The following RTL9 variants were observed in gnomAD, a reference collection of about 807,000 sequenced individuals.
The protein encoded by RTL9 is retrotransposon Gag like 9, also known as retrotransposon Gag-like protein 9.
In RTL9, 19 loss-of-function variants were observed where a neutral mutation model predicts 44.7. The ratio of observed to expected loss-of-function variants is 0.42; its 90% CI spans 0.30 to 0.62. RTL9 has a LOEUF of 0.62. RTL9 is among the 20% of genes least tolerant of loss of function. RTL9 has a pLI of 0.16. For missense variants in RTL9, 1,105 were observed against 1,080.6 expected (o/e 1.02, Z -0.32); for synonymous variants, 407 against 398.9 (o/e 1.02, Z -0.24).
chrX:110,378,008 CA>C (rs755483656), intron 1 of RTL9, among the ~76,000 whole-genome samples: 448 of 30,949 alleles, frequency 0.014, 1 homozygote, highest in South Asian at 0.043. Flanking sequence ...GACTCCGTCT[CA>C]AAAAAAAAAA....
chrX:110,454,672 G>C lies in RTL9; in HGVS notation c.4047+8G>C. 1 of 1,167,508 alleles carries C rather than the reference G, an allele frequency of 8.6e-7. No homozygotes were observed. Among genetic ancestry groups the C allele is most frequent in the Non-Finnish European group, 1.2e-6 (1 of 869,239 alleles). ...CAGCAGCAGACTGAGGAGGTAATGA[G>C]GGGGAAATCCGCTGAAGGTTTTTGA... is the stretch of plus-strand genomic sequence containing the variant. On this transcript the variant is annotated splice_region_variant and intron_variant, in intron 1 of 1. Coordinates refer to ENST00000540313, the Ensembl canonical transcript of RTL9.
At chrX:110,453,620 G>A in exon 1 of RTL9, 1 of 1,212,101 alleles carries the variant, frequency 8.3e-7, no homozygotes, top group Non-Finnish European at 1.1e-6. Flanking sequence ...CTAGATCTAT[G>A]TCCTTGTCAC....
chrX:110,362,919 A>G (rs1406346161), intron 1 of RTL9, among the ~76,000 whole-genome samples: 1 of 112,122 alleles, frequency 8.9e-6, no homozygotes, highest in Non-Finnish European at 1.9e-5. Context: ...GATATATACT[A>G]TCATAATTTT....
chrX:110,409,175 G>A (rs776118256), intron 1 of RTL9, among the ~76,000 whole-genome samples: 3 of 111,213 alleles, frequency 2.7e-5, no homozygotes, highest in African/African-American at 9.8e-5. Flanking sequence ...TATAAAACTG[G>A]CAGGAGATGG....
At chrX:110,361,942 C>G (rs2068266427) in intron 1 of RTL9, among the ~76,000 whole-genome samples, 1 of 111,665 alleles carries the variant, frequency 9.0e-6, no homozygotes, top group African/African-American at 3.3e-5. Context: ...ACTGTATTTA[C>G]CAAAACAGGG....
chrX:110,442,247 CTGTGTGTGTGTGTGTG>C (rs908737506), intron 1 of RTL9, among the ~76,000 whole-genome samples: 9 of 97,041 alleles, frequency 9.3e-5, no homozygotes, highest in Non-Finnish European at 1.6e-4. Context: ...CTCTCTCTCT[CTGTGTGTGTGTGTGTG>C]TGTGTGTGTG....
At chrX:110,452,500 T>A in exon 1 of RTL9, 1 of 1,211,037 alleles carries the variant, frequency 8.3e-7, no homozygotes, top group Non-Finnish European at 1.1e-6. Flanking sequence ...GGAACGATGT[T>A]CACGGAGAAA....
At chrX:110,420,785 A>T (rs2068711812) in intron 1 of RTL9, among the ~76,000 whole-genome samples, 1 of 111,574 alleles carries the variant, frequency 9.0e-6, no homozygotes, top group African/African-American at 3.3e-5. Context: ...ACAAGTGGGA[A>T]CTTTCATACT....
At chrX:110,415,405 G>C (rs1432168436), upstream of RTL9, among the ~76,000 whole-genome samples, 1 of 112,267 alleles carries the variant, frequency 8.9e-6, no homozygotes, top group Non-Finnish European at 1.9e-5. Context: ...TTGTGTTAGA[G>C]TGGTGAGTGA....
intron 1 of RTL9, 128 bp from the exon 2 acceptor site, chrX:110,445,025 G>C (rs888830104): frequency 3.6e-5 from 4 of 112,616 alleles, no homozygotes; most frequent in Non-Finnish European, 7.5e-5. Context: ...CTATAGAGTT[G>C]GACATGCATA....
At chrX:110,400,384 C>T (rs1377343622) in intron 1 of RTL9, among the ~76,000 whole-genome samples, 1 of 108,896 alleles carries the variant, frequency 9.2e-6, no homozygotes, top group African/African-American at 3.4e-5. Flanking sequence ...ATATGGCTTT[C>T]CGTATTGTTC....
At chrX:110,387,857 CTT>C (rs57937918) in intron 1 of RTL9, among the ~76,000 whole-genome samples, 4 of 82,800 alleles carry the variant, frequency 4.8e-5, no homozygotes, top group East Asian at 3.5e-4. Flanking sequence ...CTCCCTCTCT[CTT>C]TTTTTTTTTT....
chrX:110,368,962 C>A (rs1225536512), intron 1 of RTL9, among the ~76,000 whole-genome samples: 1 of 111,924 alleles, frequency 8.9e-6, no homozygotes, highest in Non-Finnish European at 1.9e-5. Flanking sequence ...TGAGTTTAGT[C>A]TTTACATGAG....
In RTL9 at chrX:110,431,685, G is replaced by A. The variant is rs766809114; in HGVS notation, c.-168+12550G>A. ...AGGTTGCCCTGATGACTTTGCCAAT[G>A]TGTTCATTGCCCCTGTCCTGCTGGG... is the stretch of plus-strand genomic sequence containing the variant. On this transcript the variant is annotated intron_variant, in intron 1 of 3. Transcript: ENST00000465301. Among the ~76,000 whole-genome samples the A allele has an allele frequency of 2.7e-5, 3 of 111,889 alleles. No homozygotes were observed. The East Asian group carries it at 8.4e-4, about 31-fold the overall frequency.
intron 1 of RTL9, among the ~76,000 whole-genome samples, chrX:110,377,023 T>C (rs902292219): frequency 1.1e-4 from 12 of 111,467 alleles, no homozygotes; most frequent in African/African-American, 3.6e-4. Flanking sequence ...AGCACTGCAG[T>C]AGTGGTAGGC....
At chrX:110,363,819 A>G (rs1250040180) in intron 1 of RTL9, among the ~76,000 whole-genome samples, 1 of 111,544 alleles carries the variant, frequency 9.0e-6, no homozygotes, top group Non-Finnish European at 1.9e-5. Flanking sequence ...CTACAGAGTC[A>G]AACACTTTAC....
At chrX:110,395,893 C>T (rs1029840520) in intron 1 of RTL9, among the ~76,000 whole-genome samples, 11 of 111,668 alleles carry the variant, frequency 9.9e-5, no homozygotes, top group African/African-American at 3.6e-4. Context: ...AAAAAGACAG[C>T]TCCAGTGTCC....
chrX:110,383,508 T>G (rs1401286918), intron 1 of RTL9, among the ~76,000 whole-genome samples: 1 of 110,999 alleles, frequency 9.0e-6, no homozygotes, highest in East Asian at 2.8e-4. Flanking sequence ...ACCACTCCAG[T>G]TTCATCTTCC....
chrX:110,397,461 G>A (rs887509729), intron 1 of RTL9, among the ~76,000 whole-genome samples: 4 of 109,804 alleles, frequency 3.6e-5, no homozygotes, highest in African/African-American at 1.3e-4. Flanking sequence ...ATGCCAAGCA[G>A]AGGACAATGA....
Sources: allele counts gnomAD v4.1 joint callset (sites outside exome capture counted in the v4.1 genomes callset), GRCh38; gene constraint gnomAD v4.1.1; transcripts MANE v1.5; gene names NCBI Gene and HGNC (gene_info 2026-07-23, HGNC 2026-07-21).